The following LNPK variants were observed in gnomAD, a reference collection of about 807,000 sequenced individuals.
LNPK encodes endoplasmic reticulum junction formation protein lunapark.
LNPK carries 29 observed loss-of-function variants against 55.2 expected under a neutral mutation model. That is an observed-to-expected ratio of 0.53 (90% CI 0.39 to 0.72). The LOEUF is 0.72. LNPK is among the 30% of genes least tolerant of loss of function. The pLI, the probability that LNPK is intolerant of heterozygous loss-of-function variation, is 0.00. For missense variants in LNPK, 467 were observed against 494.8 expected (o/e 0.94, Z 0.53); for synonymous variants, 162 against 168.2 (o/e 0.96, Z 0.29).
intron 5 of LNPK, among the ~76,000 whole-genome samples, chr2:175,978,623 T>C (rs540943223): frequency 6.6e-6 from 1 of 152,302 alleles, no homozygotes; most frequent in Non-Finnish European, 1.5e-5. Context: ...ACTGGGGAAC[T>C]ATAATAGGAC....
At chr2:175,970,590 T>G (rs942700361) in intron 6 of LNPK, among the ~76,000 whole-genome samples, 174 bp downstream of exon 6, 1 of 152,174 alleles carries the variant, frequency 6.6e-6, no homozygotes, top group Non-Finnish European at 1.5e-5. Context: ...AAACTACTTT[T>G]TCCTGTCAAT....
chr2:175,937,262 T>C, intron 12 of LNPK, 82 bp downstream of exon 12: 3 of 1,319,878 alleles, frequency 2.3e-6, no homozygotes, highest in Non-Finnish European at 3.2e-6. Context: ...AATTAATCCA[T>C]CTTTATCTAA....
intron 6 of LNPK, among the ~76,000 whole-genome samples, chr2:175,968,966 C>G (rs111740800): frequency 1.3e-5 from 2 of 151,416 alleles, no homozygotes; most frequent in African/African-American, 4.9e-5. Flanking sequence ...CGCAGTGACC[C>G]GAGATTGCAC....
chr2:175,950,751 C>T (rs932729219), intron 8 of LNPK, among the ~76,000 whole-genome samples: 13 of 152,160 alleles, frequency 8.5e-5, no homozygotes, highest in African/African-American at 3.1e-4. Context: ...ATACTTACCT[C>T]TTATGCTTGT....
Position 175,992,347 on chromosome 2 carries a change from A to C in LNPK, c.141T>G (p.Ile47Met). The stretch of plus-strand genomic sequence containing the variant: ...ACAGATAGAGAACTGAGGAATACAG[A>C]ATTAATCTTCCAACCCATAATTTTT... The part of the protein sequence containing the change: ...RLQKLWVGRL[I>M]LYSSVLYLFT... Residue 47 changes from isoleucine (I) to methionine (M), a missense_variant, in exon 4 of 13, where the codon ATT becomes ATG. By Grantham distance (10) the Ile-to-Met change is conservative. Coordinates refer to ENST00000272748, the MANE Select transcript of LNPK (RefSeq NM_030650.3). The C allele has an allele frequency of 6.5e-7, 1 of 1,545,326 alleles. No homozygotes were observed. Among genetic ancestry groups the C allele is most frequent in the Non-Finnish European group, 8.7e-7 (1 of 1,151,930 alleles).
At chr2:175,955,700 G>A (rs1385677893) in intron 8 of LNPK, among the ~76,000 whole-genome samples, 1 of 151,840 alleles carries the variant, frequency 6.6e-6, no homozygotes, top group Admixed American at 6.6e-5. Context: ...TGCTCCATTT[G>A]GTATAAAGAT....
At chr2:175,993,712 G>A (rs1687806596) in intron 2 of LNPK, among the ~76,000 whole-genome samples, 1 of 151,950 alleles carries the variant, frequency 6.6e-6, no homozygotes, top group South Asian at 2.1e-4. Context: ...AGAATTGATT[G>A]AACCCGGGAG....
chr2:175,970,486 C>A (rs1419310999), intron 6 of LNPK, among the ~76,000 whole-genome samples: 2 of 151,126 alleles, frequency 1.3e-5, no homozygotes, highest in Non-Finnish European at 2.9e-5. Flanking sequence ...CACATTTTTA[C>A]CCTCTCTGCC....
rs1206794968 is a variant in LNPK at position 175,960,374 on chromosome 2, G to GCAAT, written c.493+3994_493+3997dup. ...AACAAACTGTCTCTCAGACCAGGGT[G>GCAAT]CAATCAAATTAGAACTCAGGATTAA... On this transcript the variant is annotated intron_variant, in intron 8 of 12. Coordinates refer to ENST00000272748, the MANE Select transcript of LNPK (RefSeq NM_030650.3). Among the ~76,000 whole-genome samples the GCAAT allele has an allele frequency of 2.6e-5, 4 of 152,288 alleles. No homozygotes were observed. In the East Asian group the frequency reaches 7.7e-4, roughly 29 times the overall value.
intron 8 of LNPK, among the ~76,000 whole-genome samples, chr2:175,956,995 C>G (rs1685727156): frequency 6.6e-6 from 1 of 152,214 alleles, no homozygotes; most frequent in African/African-American, 2.4e-5. Flanking sequence ...TGGCATTATT[C>G]CATACCTTTT....
rs1687745103 is a variant in LNPK at position 175,992,367 on chromosome 2, A to G, written c.121T>C (p.Leu41=). Residue 41 remains leucine, a synonymous_variant, in exon 4 of 13, where the codon TTA becomes CTA. Coordinates refer to ENST00000272748, the MANE Select transcript of LNPK (RefSeq NM_030650.3). ...FREKNQRLQK[L]WVGRLILYSS... ...TACAGAATTAATCTTCCAACCCATA[A>G]TTTTTGTAATCTCTGATTTTTTTCC... The G allele has an allele frequency of 6.6e-7, 1 of 1,521,784 alleles. No individual in the cohort carries two copies. The highest frequency in any genetic ancestry group is 8.8e-7 in the Non-Finnish European group (1 of 1,141,470). 94.3% of individuals were successfully genotyped at this position (1,521,784 alleles called of 1,614,324 possible). A position where few individuals can be genotyped will look rare whatever the true frequency, so the allele number is the denominator to read the frequency against.
At chr2:175,993,126 T>C in intron 3 of LNPK, 56 bp downstream of exon 3, 1 of 1,087,688 alleles carries the variant, frequency 9.2e-7, no homozygotes, top group South Asian at 1.5e-5. Flanking sequence ...TATACTACAA[T>C]AATATTTACT....
At position 175,964,563 on chromosome 2, in the gene LNPK, A is replaced by G; in HGVS notation, c.384T>C (p.Thr128=). The G allele has an allele frequency of 6.2e-7, 1 of 1,609,756 alleles. No individual in the cohort carries two copies. Among genetic ancestry groups the G allele is most frequent in the African/African-American group, 1.3e-5 (1 of 74,906 alleles). Residue 128 remains threonine (T), a synonymous_variant, in exon 7 of 13, where the codon ACT becomes ACC. Coordinates refer to ENST00000272748, the MANE Select transcript of LNPK (RefSeq NM_030650.3). ...CAAGAATTAATTTAGCCGTCTTGTA[A>G]GTTTCTTTTTCCATGACTTCTTCAA... ...KILEEVMEKE[T]YKTAKLILER...
At chr2:175,932,126 T>TAAA (rs1263583946) in intron 12 of LNPK, 4 of 450,688 alleles carry the variant, frequency 8.9e-6, no homozygotes, top group Non-Finnish European at 1.8e-5. Context: ...CCACATAGTT[T>TAAA]GTCATATTCT....
intron 8 of LNPK, among the ~76,000 whole-genome samples, chr2:175,948,616 C>T (rs1326248317): frequency 1.3e-5 from 2 of 152,158 alleles, no homozygotes; most frequent in Admixed American, 1.3e-4. Context: ...CATAAAGAAG[C>T]CTTTATACTT....
Position 175,995,647 on chromosome 2 carries a change from C to A in LNPK, c.-62-1G>T, listed in dbSNP as rs575264146. On this transcript the variant is annotated splice_acceptor_variant, in intron 1 of 12. Transcript: ENST00000272748. LOFTEE classifies it low-confidence loss of function (5UTR_SPLICE). The stretch of plus-strand genomic sequence containing the variant: ...ATCAATTGTCCAAAGGAATTCACAG[C>A]TAGAAATAAAGCAAGTATTTAAAAT... 21 of 1,376,184 alleles carry A rather than the reference C, an allele frequency of 1.5e-5. No individual in the cohort carries two copies. The highest frequency in any genetic ancestry group is 2.2e-5 in the Non-Finnish European group (21 of 965,696). 85.2% of individuals were successfully genotyped at this position (1,376,184 alleles called of 1,614,324 possible).
intron 1 of LNPK, among the ~76,000 whole-genome samples, chr2:175,997,090 G>C (rs549336285): frequency 5.3e-5 from 8 of 152,210 alleles, no homozygotes; most frequent in Admixed American, 3.9e-4. Flanking sequence ...ATTGTAATTA[G>C]CATAAGGCAT....
chr2:175,947,824 A>T, intron 8 of LNPK, 132 bp from the exon 9 acceptor site: 1 of 538,530 alleles, frequency 1.9e-6, no homozygotes. Context: ...ATAATAATAA[A>T]TCTATAATAT....
At chr2:175,962,818 T>C (rs1384418857) in intron 8 of LNPK, among the ~76,000 whole-genome samples, 1 of 151,648 alleles carries the variant, frequency 6.6e-6, no homozygotes, top group Non-Finnish European at 1.5e-5. Flanking sequence ...GACAAAGGGC[T>C]AATATCCAGA....
Sources: gnomAD v4.1 joint callset for allele counts (sites outside exome capture counted in the v4.1 genomes callset) on GRCh38, gnomAD v4.1.1 for gene constraint, MANE v1.5 for transcripts, NCBI Gene and HGNC (gene_info 2026-07-23, HGNC 2026-07-21) for gene names.